Variants in KIF5C observed in about 807,000 individuals in gnomAD.
The protein encoded by KIF5C is kinesin family member 5C, also known as kinesin heavy chain isoform 5C.
Under a neutral mutation model 125.2 loss-of-function variants are expected in KIF5C, and 18 were observed. The ratio of observed to expected loss-of-function variants is 0.14; its 90% CI spans 0.10 to 0.21. KIF5C has a LOEUF of 0.21. Ranked by LOEUF, KIF5C falls within the 10% of genes least tolerant of loss-of-function variation. The probability of loss-of-function intolerance (pLI) is 1.00; values close to 1 mark genes in which losing one functional copy is unlikely to be tolerated. For missense variants in KIF5C, 780 were observed against 1,183.8 expected (o/e 0.66, Z 5.01); for synonymous variants, 405 against 434.0 (o/e 0.93, Z 0.83).
intron 2 of KIF5C, among the ~76,000 whole-genome samples, chr2:148,923,171 A>G (rs1168917163): frequency 6.6e-6 from 1 of 152,210 alleles, no homozygotes; most frequent in Non-Finnish European, 1.5e-5. Flanking sequence ...AAACAAAACT[A>G]AAAAAACCTA....
intron 1 of KIF5C, among the ~76,000 whole-genome samples, chr2:148,921,173 C>A (rs1400893757): frequency 6.6e-6 from 1 of 152,328 alleles, no homozygotes; most frequent in South Asian, 2.1e-4. Flanking sequence ...GATTGGGCGT[C>A]AGGGCACATA....
At chr2:148,989,054 G>A (rs1681455066) in intron 15 of KIF5C, among the ~76,000 whole-genome samples, 1 of 152,082 alleles carries the variant, frequency 6.6e-6, no homozygotes, top group Non-Finnish European at 1.5e-5. Flanking sequence ...AGATTTTGGT[G>A]CACCCATCAC....
At chr2:148,972,068 G>T (rs1297443822) in intron 11 of KIF5C, among the ~76,000 whole-genome samples, 1 of 152,018 alleles carries the variant, frequency 6.6e-6, no homozygotes. Flanking sequence ...CCAAATAGCT[G>T]GGATTACAGG....
chr2:148,937,064 A>T (rs1175608189), intron 3 of KIF5C, among the ~76,000 whole-genome samples: 1 of 152,196 alleles, frequency 6.6e-6, no homozygotes, highest in African/African-American at 2.4e-5. Context: ...TTGGCAGAAC[A>T]AGTGCTCCCC....
At chr2:148,942,151 A>C (rs1682424424) in intron 6 of KIF5C, among the ~76,000 whole-genome samples, 161 bp downstream of exon 6, 1 of 152,212 alleles carries the variant, frequency 6.6e-6, no homozygotes, top group Non-Finnish European at 1.5e-5. Context: ...ATTGACATTT[A>C]CTTTCTTCAA....
At chr2:148,973,745 G>A (rs1574803068) in intron 12 of KIF5C, among the ~76,000 whole-genome samples, 1 of 152,314 alleles carries the variant, frequency 6.6e-6, no homozygotes, top group South Asian at 2.1e-4. Flanking sequence ...ACAGGCGGGT[G>A]CTATTTAGAG....
At chr2:148,961,414 G>A (rs1457198863) in intron 10 of KIF5C, among the ~76,000 whole-genome samples, 1 of 152,046 alleles carries the variant, frequency 6.6e-6, no homozygotes, top group Non-Finnish European at 1.5e-5. Context: ...CATCAGGGGT[G>A]GTTTTGGGTA....
At chr2:148,974,824 G>GT (rs1681018833) in intron 12 of KIF5C, among the ~76,000 whole-genome samples, 1 of 152,220 alleles carries the variant, frequency 6.6e-6, no homozygotes, top group Admixed American at 6.5e-5. Flanking sequence ...GGGTGAGAGG[G>GT]TGAGAAGCTG....
intron 1 of KIF5C, among the ~76,000 whole-genome samples, chr2:148,895,926 A>G (rs533152475): frequency 6.6e-6 from 1 of 152,070 alleles, no homozygotes; most frequent in Non-Finnish European, 1.5e-5. Context: ...TATGAATCCT[A>G]TTGAGTCAGA....
chr2:148,975,596 G>T (rs1238906889), intron 12 of KIF5C, among the ~76,000 whole-genome samples: 3 of 152,136 alleles, frequency 2.0e-5, no homozygotes, highest in Non-Finnish European at 4.4e-5. Context: ...ATCTATTTAG[G>T]GTGTGGAGGG....
chr2:148,937,133 G>A (rs374557167), intron 3 of KIF5C, 151 bp from the exon 4 acceptor site: 15 of 1,152,090 alleles, frequency 1.3e-5, no homozygotes, highest in East Asian at 8.2e-5. Flanking sequence ...CTGTTGGCAA[G>A]TCAGGTAGAT....
In KIF5C at chr2:148,875,581, C is replaced by A. The variant is rs769722143; in HGVS notation, c.-37C>A. On this transcript the variant is annotated 5_prime_UTR_variant, in exon 1 of 26. Transcript: ENST00000435030. ...CTCGTCGTTCCCGGCCCCGGCCCCC[C>A]ACCCATCCCCGTGCCCCCTCCCTAC... The A allele has an allele frequency of 1.4e-5, 11 of 803,616 alleles. No individual in the cohort carries two copies. The highest frequency in any genetic ancestry group is 1.3e-4 in the South Asian group (9 of 67,338). The allele number at this position is 803,616 out of a possible 1,614,324, so 49.8% of individuals were successfully genotyped here.
At chr2:148,936,557 A>G (rs1257997754) in intron 3 of KIF5C, among the ~76,000 whole-genome samples, 1 of 152,210 alleles carries the variant, frequency 6.6e-6, no homozygotes, top group Non-Finnish European at 1.5e-5. Context: ...TGGACCTTAA[A>G]AATGGATTTG....
At position 148,875,575 on chromosome 2, in the gene KIF5C, G is replaced by GCCCCCCCCCCCCCCCCCTCCCC; in HGVS notation, c.-37_-36insCCCCCCCCCCCTCCCCCCCCCC. The GCCCCCCCCCCCCCCCCCTCCCC allele has an allele frequency of 1.4e-6, 1 of 699,604 alleles. No individual in the cohort carries two copies. The highest frequency in any genetic ancestry group is 2.6e-6 in the Non-Finnish European group (1 of 389,228). 43.3% of individuals were successfully genotyped at this position (699,604 alleles called of 1,614,324 possible). Reference sequence around the variant, plus strand: ...TCCTCCCTCGTCGTTCCCGGCCCCGGCCCCCCACCCATCCCCGTGCCCCCT... The same window carrying GCCCCCCCCCCCCCCCCCTCCCC: ...TCCTCCCTCGTCGTTCCCGGCCCCGGCCCCCCCCCCCCCCCCCTCCCCCCCCCCACCCATCCCCGTGCCCCCT... On this transcript the variant is annotated 5_prime_UTR_variant, in exon 1 of 26. Transcript: ENST00000435030.
intron 25 of KIF5C, among the ~76,000 whole-genome samples, chr2:149,017,883 C>T (rs1398979880): frequency 6.6e-6 from 1 of 152,060 alleles, no homozygotes; most frequent in Non-Finnish European, 1.5e-5. Context: ...AAGTCCAAAC[C>T]ACCAAACTTC....
At chr2:149,002,852 G>A (rs1273201654) in intron 21 of KIF5C, among the ~76,000 whole-genome samples, 2 of 152,224 alleles carry the variant, frequency 1.3e-5, no homozygotes, top group African/African-American at 4.8e-5. Flanking sequence ...TTTAAAGAAT[G>A]TTTCATCAGC....
intron 1 of KIF5C, among the ~76,000 whole-genome samples, chr2:148,912,630 A>C (rs1421467314): frequency 6.6e-6 from 1 of 152,180 alleles, no homozygotes; most frequent in African/African-American, 2.4e-5. Context: ...AAAATATTTT[A>C]TAGAGTTGGG....
At chr2:148,989,529 A>T (rs1681471061) in intron 15 of KIF5C, among the ~76,000 whole-genome samples, 1 of 152,216 alleles carries the variant, frequency 6.6e-6, no homozygotes, top group South Asian at 2.1e-4. Flanking sequence ...ATTGAGTGGC[A>T]TATCTACTTT....
intron 11 of KIF5C, among the ~76,000 whole-genome samples, chr2:148,972,803 G>C (rs926671939): frequency 3.9e-5 from 6 of 152,170 alleles, no homozygotes; most frequent in Non-Finnish European, 8.8e-5. Flanking sequence ...TGGATCCAGG[G>C]CTACCCTGTC....
Sources: allele counts gnomAD v4.1 joint callset (sites outside exome capture counted in the v4.1 genomes callset), GRCh38; gene constraint gnomAD v4.1.1; transcripts MANE v1.5; gene names NCBI Gene and HGNC (gene_info 2026-07-23, HGNC 2026-07-21).